Variants in ZDBF2 observed in about 807,000 individuals in gnomAD.
ZDBF2 encodes zinc finger DBF-type containing 2, also known as DBF4-type zinc finger-containing protein 2.
Under a neutral mutation model 9.4 loss-of-function variants are expected in ZDBF2, and 6 were observed. The ratio of observed to expected loss-of-function variants is 0.64; its 90% CI spans 0.35 to 1.27. The LOEUF is 1.27. Among genes scored for constraint, ZDBF2 ranks in the 50% most tolerant of loss-of-function variants. The pLI is 0.03. For synonymous variants in ZDBF2, 905 were observed against 946.3 expected, an observed-to-expected ratio of 0.96 and a Z score of 0.80; for missense variants, 2,697 against 2,766.8, an observed-to-expected ratio of 0.97 and a Z score of 0.57.
intron 4 of ZDBF2, among the ~76,000 whole-genome samples, chr2:206,303,590 C>G (rs1305989775): frequency 6.6e-6 from 1 of 152,038 alleles, no homozygotes; most frequent in Non-Finnish European, 1.5e-5. Flanking sequence ...AGTTTTGGGT[C>G]TTTTTAAAAA....
At chr2:206,279,753 T>C (rs551300542) in intron 2 of ZDBF2, among the ~76,000 whole-genome samples, 161 bp downstream of exon 2, 66 of 152,352 alleles carry the variant, frequency 4.3e-4, no homozygotes, top group African/African-American at 1.5e-3. Context: ...TAATGACTTA[T>C]GTTATTGAGT....
chr2:206,293,632 A>T (rs140992740), intron 3 of ZDBF2, among the ~76,000 whole-genome samples: 1 of 152,172 alleles, frequency 6.6e-6, no homozygotes, highest in Non-Finnish European at 1.5e-5. Flanking sequence ...AACAGACCCA[A>T]TGTAAAAGAG....
chr2:206,302,084 C>G (rs1006954402), intron 4 of ZDBF2, among the ~76,000 whole-genome samples: 1 of 151,930 alleles, frequency 6.6e-6, no homozygotes, highest in African/African-American at 2.4e-5. Flanking sequence ...TTATAGCTCA[C>G]TGTAGTCTCA....
chr2:206,309,443 GA>G lies in ZDBF2; in HGVS notation c.4916del (p.Glu1639GlyfsTer10). 1 of 1,613,644 alleles carries G rather than the reference GA, an allele frequency of 6.2e-7. No individual in the cohort carries two copies. Among genetic ancestry groups the G allele is most frequent in the Non-Finnish European group, 8.5e-7 (1 of 1,179,822 alleles). The part of the protein sequence containing the change: ...VDASDQSMTY[E>X]SQGPDEKMVK... ...TGCCTCTGATCAGTCCATGACTTAC[GA>G]GTCACAAGGACCTGATGAGAAAATG... is the stretch of plus-strand genomic sequence containing the variant. On this transcript the variant is annotated frameshift_variant, in exon 5 of 5. Transcript: ENST00000374423. LOFTEE classifies it low-confidence loss of function (END_TRUNC).
intron 4 of ZDBF2, among the ~76,000 whole-genome samples, chr2:206,303,100 T>C (rs1325606031): frequency 2.1e-5 from 3 of 145,838 alleles, no homozygotes; most frequent in African/African-American, 7.5e-5. Flanking sequence ...CTACTTAAAC[T>C]AAGTTTTCTT....
intron 2 of ZDBF2, 60 bp from the exon 3 acceptor site, chr2:206,281,741 C>T: frequency 1.0e-6 from 1 of 981,248 alleles, no homozygotes; most frequent in Non-Finnish European, 1.5e-6. Flanking sequence ...ATTATCATAG[C>T]CATTTTCCTC....
At position 206,295,479 on chromosome 2, in the gene ZDBF2, T is replaced by A. The variant is rs181015646; in HGVS notation, c.61-1767T>A. Among the ~76,000 whole-genome samples, 996 of 150,796 alleles carry A rather than the reference T, an allele frequency of 6.6e-3. 4 individuals carry two copies. Among genetic ancestry groups the A allele is most frequent in the Non-Finnish European group, 0.01 (688 of 67,752 alleles). On this transcript the variant is annotated intron_variant, in intron 3 of 4. Coordinates refer to ENST00000374423, the MANE Select transcript of ZDBF2 (RefSeq NM_020923.3). Reference sequence around the variant, plus strand: ...CCAGGGTTCAAGCAATTCTCCTGCCTCAGCCTCCCAAGTAGCTAGGACTAC... The same window carrying A: ...CCAGGGTTCAAGCAATTCTCCTGCCACAGCCTCCCAAGTAGCTAGGACTAC...
chr2:206,288,225 C>T (rs1397593716), intron 3 of ZDBF2, among the ~76,000 whole-genome samples: 1 of 152,116 alleles, frequency 6.6e-6, no homozygotes, highest in Non-Finnish European at 1.5e-5. Context: ...ACTTTTATAA[C>T]TTTTACCTGC....
At position 206,281,786 on chromosome 2, in the gene ZDBF2, C is replaced by T; in HGVS notation, c.-49-15C>T. ...AGGAATTATGATTTTTACCATTTTT[C>T]TTTTTGTTTTTCAGCTTGAGTATTC... is the stretch of plus-strand genomic sequence containing the variant. On this transcript the variant is annotated splice_polypyrimidine_tract_variant and intron_variant, in intron 2 of 4. Transcript: ENST00000374423. 6.7e-7 allele frequency: 1 copy of T among 1,486,836 alleles called. No individual in the cohort carries two copies. Among genetic ancestry groups the T allele is most frequent in the African/African-American group, 1.4e-5 (1 of 71,534 alleles). The allele number at this position is 1,486,836 out of a possible 1,614,324, so 92.1% of individuals were successfully genotyped here.
At position 206,305,740 on chromosome 2, in the gene ZDBF2, A is replaced by G. The variant is rs377167411; in HGVS notation, c.1212A>G (p.Ser404=). The G allele has an allele frequency of 2.9e-5, 47 of 1,613,670 alleles. No homozygotes were observed. The highest frequency in any genetic ancestry group is 3.9e-5 in the Non-Finnish European group (46 of 1,179,814). ...DQEDNYESRG[S]EMSFDCSSSF... ...AAGATAACTATGAGTCTAGAGGTTC[A>G]GAAATGAGTTTTGATTGCAGTTCCT... is the stretch of plus-strand genomic sequence containing the variant. Residue 404 remains serine, a synonymous_variant, in exon 5 of 5, where the codon TCA becomes TCG. Coordinates refer to ENST00000374423, the MANE Select transcript of ZDBF2 (RefSeq NM_020923.3).
Position 206,313,098 on chromosome 2 carries a change from TA to T in ZDBF2, c.*1506del, listed in dbSNP as rs1220026763. 6.6e-6 allele frequency: 1 copy of T among 152,216 alleles called. No homozygotes were observed. The allele number at this position is 152,216 out of a possible 1,614,324, so 9.4% of individuals were successfully genotyped here. ...TAAGAGGAAACATGAATTACAACTA[TA>T]TTGTATGACTGCCATATTTTATTGA... On this transcript the variant is annotated 3_prime_UTR_variant, in exon 5 of 5. Transcript: ENST00000374423.
chr2:206,277,390 A>G (rs1332058093), intron 1 of ZDBF2, among the ~76,000 whole-genome samples: 1 of 152,022 alleles, frequency 6.6e-6, no homozygotes, highest in Non-Finnish European at 1.5e-5. Context: ...TGGGTAGCTC[A>G]GAAATCTCTG....
intron 3 of ZDBF2, among the ~76,000 whole-genome samples, chr2:206,288,372 C>T (rs1054190713): frequency 6.6e-6 from 1 of 152,220 alleles, no homozygotes; most frequent in Non-Finnish European, 1.5e-5. Context: ...GTGGCCTACA[C>T]TGTAGAAGTT....
At chr2:206,285,637 A>T (rs1283756971) in intron 3 of ZDBF2, among the ~76,000 whole-genome samples, 2 of 152,176 alleles carry the variant, frequency 1.3e-5, no homozygotes, top group Non-Finnish European at 2.9e-5. Flanking sequence ...TTTGCTGTGC[A>T]AAAGCTTCAG....
chr2:206,310,455 A>G lies in ZDBF2; in HGVS notation c.5927A>G (p.Gln1976Arg), dbSNP rs1337179830. 6 of 1,613,884 alleles carry G rather than the reference A, an allele frequency of 3.7e-6. No individual in the cohort carries two copies. The highest frequency in any genetic ancestry group is 2.2e-5 in the East Asian group (1 of 44,886). Residue 1976 changes from glutamine to arginine, a missense_variant, in exon 5 of 5, where the codon CAG becomes CGG. Transcript: ENST00000374423. ...CCAAAAAGTAAGTGTTCACGTTTAC[A>G]GGATGACAGAAAAACCAAAAAGAAA... ...DPPKSKCSRL[Q>R]DDRKTKKKVK...
At chr2:206,285,255 G>A (rs1327828276) in intron 3 of ZDBF2, among the ~76,000 whole-genome samples, 2 of 152,038 alleles carry the variant, frequency 1.3e-5, no homozygotes, top group African/African-American at 4.8e-5. Flanking sequence ...ATAATAATTT[G>A]TATTCCCACC....
chr2:206,310,522 A>T lies in ZDBF2; in HGVS notation c.5994A>T (p.Lys1998Asn), dbSNP rs1262592604. The change falls in exon 5 of 5, where the codon AAA (lysine) becomes AAT (asparagine). Residue 1998 changes from lysine (K) to asparagine (N), a missense_variant. Coordinates refer to ENST00000374423, the MANE Select transcript of ZDBF2 (RefSeq NM_020923.3). ...GTVEFPASCT[K>N]VLKPMQPKAL... is the part of the protein sequence containing the mutation. ...TTGAATTTCCTGCATCATGTACTAA[A>T]GTTTTGAAGCCTATGCAACCCAAAG... The T allele has an allele frequency of 6.2e-7, 1 of 1,613,130 alleles. No homozygotes were observed. Among genetic ancestry groups the T allele is most frequent in the African/African-American group, 1.3e-5 (1 of 74,826 alleles).
intron 4 of ZDBF2, among the ~76,000 whole-genome samples, chr2:206,302,913 GGCTATTTT>G (rs1692575936): frequency 6.6e-6 from 1 of 151,958 alleles, no homozygotes; most frequent in South Asian, 2.1e-4. Context: ...AATTGTTATA[GGCTATTTT>G]TATAAACAAA....
intron 3 of ZDBF2, among the ~76,000 whole-genome samples, chr2:206,282,365 C>T (rs967318101): frequency 1.3e-5 from 2 of 152,042 alleles, no homozygotes; most frequent in Non-Finnish European, 2.9e-5. Flanking sequence ...GCCAGGAGGC[C>T]GGTGGCTGCA....
Sources: allele counts gnomAD v4.1 joint callset (sites outside exome capture counted in the v4.1 genomes callset), GRCh38; gene constraint gnomAD v4.1.1; transcripts MANE v1.5; gene names NCBI Gene and HGNC (gene_info 2026-07-23, HGNC 2026-07-21).